Variants in TBCD observed in about 807,000 individuals in gnomAD.
The protein encoded by TBCD is tubulin folding cofactor D, also known as tubulin-specific chaperone D.
In TBCD, 105 loss-of-function variants were observed where a neutral mutation model predicts 169.3. That is an observed-to-expected ratio of 0.62 (90% CI 0.53 to 0.73). The LOEUF (loss-of-function observed/expected upper bound fraction) is 0.73. Among genes scored for constraint, TBCD ranks in the 30% least tolerant of loss-of-function variants. The probability of loss-of-function intolerance (pLI) is 0.00; values close to 1 mark genes in which losing one functional copy is unlikely to be tolerated. For synonymous variants in TBCD, 700 were observed against 643.9 expected (o/e 1.09, Z -1.32); for missense variants, 1,444 against 1,600.1 (o/e 0.90, Z 1.66).
At chr17:82,942,092 C>T (rs996465766) in intron 38 of TBCD, 19 of 409,794 alleles carry the variant, frequency 4.6e-5, no homozygotes, top group Middle Eastern at 6.3e-4. Context: ...AGCATCAGGA[C>T]ACAGCCTCCC....
chr17:82,921,063 G>GC, intron 24 of TBCD: 1 of 256,678 alleles, frequency 3.9e-6, no homozygotes, highest in East Asian at 1.0e-4. Flanking sequence ...CAGGGCTGTG[G>GC]TGTCCCGGGG....
chr17:82,937,657 G>A (rs1248852225), intron 35 of TBCD: 6 of 605,128 alleles, frequency 9.9e-6, no homozygotes, highest in African/African-American at 1.9e-5. Flanking sequence ...CTGCCTCCCC[G>A]ATTCTCCTGT....
rs761476887 is a variant in TBCD at position 82,925,047 on chromosome 17, G to A, written c.2369G>A (p.Arg790Gln). ...CTTCCAGGCTTCCTTCTGAAAGGCC[G>A]GCTCCAGCAGGTGAGGCTGGCCACG... ...GALPGFLLKG[R>Q]LQQVLTGLRA... The change falls in exon 27 of 39, where the codon CGG becomes CAG. Residue 790 changes from arginine (R) to glutamine (Q), a missense_variant. Physicochemically the swap from Arg to Gln is conservative, Grantham distance 43. Transcript: ENST00000355528. The A allele has an allele frequency of 5.8e-6, 9 of 1,555,242 alleles. No individual in the cohort carries two copies. Among genetic ancestry groups the A allele is most frequent in the African/African-American group, 2.7e-5 (2 of 73,388 alleles).
chr17:82,827,749 C>A (rs1275236483), intron 13 of TBCD, among the ~76,000 whole-genome samples: 1 of 151,922 alleles, frequency 6.6e-6, no homozygotes, highest in African/African-American at 2.4e-5. Context: ...ACGTGCACAC[C>A]CGTACAATCG....
Position 82,942,627 on chromosome 17 carries a change from C to A in TBCD, c.*164C>A. ...TGACAGCTTTTCCTCTCTGCACCTGCGCTCTGGTGACTTGGGGTGGACGCC... is the reference window on the plus strand; with the variant it reads ...TGACAGCTTTTCCTCTCTGCACCTGAGCTCTGGTGACTTGGGGTGGACGCC... On this transcript the variant is annotated 3_prime_UTR_variant, in exon 39 of 39. Coordinates refer to ENST00000355528, the MANE Select transcript of TBCD (RefSeq NM_005993.5). 2.4e-6 allele frequency: 2 copies of A among 844,754 alleles called. No homozygotes were observed. The highest frequency in any genetic ancestry group is 2.5e-5 in the Admixed American group (1 of 40,558). 52.3% of individuals were successfully genotyped at this position (844,754 alleles called of 1,614,324 possible).
intron 13 of TBCD, among the ~76,000 whole-genome samples, chr17:82,821,752 G>T (rs1021903165): frequency 1.3e-5 from 2 of 152,138 alleles, no homozygotes; most frequent in African/African-American, 4.8e-5. Flanking sequence ...TGGAGAGCAT[G>T]TTTGTTTTAC....
intron 13 of TBCD, among the ~76,000 whole-genome samples, chr17:82,837,824 G>C (rs965797381): frequency 6.6e-6 from 1 of 152,130 alleles, no homozygotes; most frequent in South Asian, 2.1e-4. Flanking sequence ...CACCTCCTCC[G>C]AGCCTGGCCT....
At chr17:82,882,262 A>G (rs7221057) in intron 14 of TBCD, among the ~76,000 whole-genome samples, 16,825 of 151,962 alleles carry the variant, frequency 0.11, 1,209 homozygotes, top group South Asian at 0.3. Flanking sequence ...GGACCTTCCC[A>G]CCTGTTTCTC....
intron 19 of TBCD, among the ~76,000 whole-genome samples, chr17:82,905,098 G>A (rs1368251629): frequency 2.0e-5 from 3 of 152,162 alleles, no homozygotes; most frequent in African/African-American, 7.2e-5. Flanking sequence ...CGTCCGTGAG[G>A]GTTCTGAGGA....
intron 13 of TBCD, chr17:82,858,436 A>G (rs937029546): frequency 3.2e-6 from 1 of 315,250 alleles, no homozygotes; most frequent in Non-Finnish European, 4.6e-6. Context: ...TGTTTTTGCT[A>G]GCTCCAGGCC....
intron 9 of TBCD, among the ~76,000 whole-genome samples, chr17:82,805,444 A>T (rs1172675477): frequency 5.9e-5 from 9 of 152,100 alleles, no homozygotes. Flanking sequence ...GGAACTGGTG[A>T]CCGGTGAGAC....
intron 23 of TBCD, chr17:82,918,548 GGCTATTTCTATCTGTT>G (rs1210249502): frequency 1.3e-5 from 2 of 152,160 alleles, no homozygotes; most frequent in Non-Finnish European, 2.9e-5. Context: ...AGTACACTGG[GGCTATTTCTATCTGTT>G]GCTGTTGTGA....
intron 28 of TBCD, chr17:82,926,870 C>T (rs1053080500): frequency 1.8e-5 from 9 of 501,646 alleles, no homozygotes; most frequent in South Asian, 7.0e-5. Flanking sequence ...GGAGCAGTCC[C>T]GCGGGGGCCA....
At chr17:82,892,557 G>A (rs1417072216) in intron 16 of TBCD, among the ~76,000 whole-genome samples, 2 of 152,154 alleles carry the variant, frequency 1.3e-5, no homozygotes, top group African/African-American at 4.8e-5. Context: ...ATGTGGCCCC[G>A]GGTGTTCTCA....
intron 13 of TBCD, among the ~76,000 whole-genome samples, chr17:82,819,130 G>C (rs534131142): frequency 1.3e-5 from 2 of 152,332 alleles, no homozygotes; most frequent in East Asian, 3.9e-4. Flanking sequence ...ATATAGATGA[G>C]CATGTTTGAT....
chr17:82,835,832 G>GT lies in TBCD; in HGVS notation c.1318+20899dup, dbSNP rs1446846237. On this transcript the variant is annotated intron_variant, in intron 13 of 38. Transcript: ENST00000355528. This position sits in a 1 kb window ranked among gnomAD's most constrained non-coding sequence, Gnocchi z 4.5. ...ATTTATTTACTAAGAAGTGGTTTGGGTAGAAAAGGGGCTCTGCTGACCTGC... is the reference window on the plus strand; with the variant it reads ...ATTTATTTACTAAGAAGTGGTTTGGGTTAGAAAAGGGGCTCTGCTGACCTGC... Among the ~76,000 whole-genome samples, 6 of 152,338 alleles carry GT rather than the reference G, an allele frequency of 3.9e-5. No individual in the cohort carries two copies. Among genetic ancestry groups the GT allele is most frequent in the South Asian group, 2.1e-4 (1 of 4,824 alleles).
intron 13 of TBCD, among the ~76,000 whole-genome samples, chr17:82,851,813 A>G (rs1448811903): frequency 6.6e-6 from 1 of 152,238 alleles, no homozygotes; most frequent in African/African-American, 2.4e-5. Context: ...GGAAAATGGC[A>G]TGTTAAGAAT....
Position 82,942,495 on chromosome 17 carries a change from C to A in TBCD, c.*32C>A, listed in dbSNP as rs1208344464. ...TCCTGGAGCCCATACCTCACCCCTG[C>A]CTGGTGAGGATGTCTTGTTCCTGAG... On this transcript the variant is annotated 3_prime_UTR_variant, in exon 39 of 39. Coordinates refer to ENST00000355528, the MANE Select transcript of TBCD (RefSeq NM_005993.5). The A allele has an allele frequency of 1.2e-6, 2 of 1,613,794 alleles. No individual in the cohort carries two copies. The highest frequency in any genetic ancestry group is 4.5e-5 in the East Asian group (2 of 44,884).
At chr17:82,942,235 C>T (rs1346338079) in intron 38 of TBCD, 3 of 608,504 alleles carry the variant, frequency 4.9e-6, no homozygotes, top group African/African-American at 1.9e-5. Context: ...TCCCTTCCCG[C>T]TCCCCAGATG....
Sources: allele counts gnomAD v4.1 joint callset (sites outside exome capture counted in the v4.1 genomes callset), GRCh38; gene constraint gnomAD v4.1.1; non-coding constraint Gnocchi (gnomAD v3.1); transcripts MANE v1.5; gene names NCBI Gene and HGNC (gene_info 2026-07-23, HGNC 2026-07-21).